PSD3: variants seen among roughly 807,000 people sequenced by gnomAD.
PSD3 encodes pleckstrin and Sec7 domain containing 3.
PSD3 carries 49 observed loss-of-function variants against 105.5 expected under a neutral mutation model. That is an observed-to-expected ratio of 0.46 (90% confidence interval 0.37 to 0.59). PSD3 has a LOEUF of 0.59. Ranked by LOEUF, PSD3 falls within the 20% of genes least tolerant of loss-of-function variation. PSD3 has a pLI of 0.00. For missense variants in PSD3, 1,561 were observed against 1,263.8 expected, an observed-to-expected ratio of 1.24 and a Z score of -3.57; for synonymous variants, 557 against 457.8, an observed-to-expected ratio of 1.22 and a Z score of -2.77.
chr8:19,055,671 A>G (rs1828687820), intron 1 of PSD3, among the ~76,000 whole-genome samples: 1 of 152,242 alleles, frequency 6.6e-6, no homozygotes, highest in Non-Finnish European at 1.5e-5. Context: ...GGGTAAGTAT[A>G]GTTGGTGTTC....
intron 10 of PSD3, among the ~76,000 whole-genome samples, chr8:18,642,092 G>C (rs1807688478): frequency 6.6e-6 from 1 of 152,118 alleles, no homozygotes; most frequent in African/African-American, 2.4e-5. Flanking sequence ...CCAGATATGA[G>C]AAAGATGTAG....
intron 10 of PSD3, among the ~76,000 whole-genome samples, chr8:18,647,939 G>A (rs1292266499): frequency 6.6e-6 from 1 of 152,134 alleles, no homozygotes; most frequent in East Asian, 1.9e-4. Context: ...ACTTTCTGCT[G>A]TGATTTAAAG....
At chr8:18,894,851 G>C (rs186487228) in intron 2 of PSD3, among the ~76,000 whole-genome samples, 164 of 152,332 alleles carry the variant, frequency 1.1e-3, no homozygotes, top group African/African-American at 3.7e-3. Context: ...AAGGTCTGAG[G>C]AGACATCCGG....
At chr8:18,718,843 T>G (rs1435431073) in intron 9 of PSD3, among the ~76,000 whole-genome samples, 2 of 151,912 alleles carry the variant, frequency 1.3e-5, no homozygotes, top group Admixed American at 1.3e-4. Context: ...TAAACTAAAA[T>G]GGGAAAATCA....
chr8:18,658,850 C>T (rs1321623291), intron 9 of PSD3, among the ~76,000 whole-genome samples: 1 of 152,098 alleles, frequency 6.6e-6, no homozygotes, highest in African/African-American at 2.4e-5. Context: ...CCAGGAATTT[C>T]TCTCTCATCT....
intron 1 of PSD3, among the ~76,000 whole-genome samples, chr8:19,060,248 T>G (rs1175008248): frequency 2.6e-5 from 4 of 152,176 alleles, no homozygotes; most frequent in Non-Finnish European, 5.9e-5. Flanking sequence ...GAAAAAAAAC[T>G]TTAAAAATGA....
At chr8:19,073,607 A>G (rs953602688) in intron 1 of PSD3, among the ~76,000 whole-genome samples, 5 of 147,384 alleles carry the variant, frequency 3.4e-5, no homozygotes, top group Non-Finnish European at 7.5e-5. Flanking sequence ...GGTCTTAATA[A>G]TTGTCTTGTC....
chr8:18,967,968 C>T (rs1168618946), intron 1 of PSD3, among the ~76,000 whole-genome samples: 1 of 152,176 alleles, frequency 6.6e-6, no homozygotes, highest in Non-Finnish European at 1.5e-5. Context: ...AAAAGGCTAG[C>T]AAAAGATCCA....
chr8:18,903,858 G>A lies in PSD3; in HGVS notation c.131-31125C>T, dbSNP rs181724838. 9.2e-5 allele frequency among the ~76,000 whole-genome samples: 14 copies of A among 152,240 alleles called. No individual in the cohort carries two copies. The East Asian group carries it at 2.7e-3, about 29-fold the overall frequency. On this transcript the variant is annotated intron_variant, in intron 2 of 15. Coordinates refer to ENST00000327040, the MANE Select transcript of PSD3 (RefSeq NM_015310.4). Reference sequence around the variant, plus strand: ...CCTCCAACTTAGGCTGAGGGAAGGTGTGACTTCTCCGAGTAGCCAAAGTAC... The same window carrying A: ...CCTCCAACTTAGGCTGAGGGAAGGTATGACTTCTCCGAGTAGCCAAAGTAC...
At chr8:18,631,931 T>G (rs972064239) in intron 11 of PSD3, among the ~76,000 whole-genome samples, 13 of 152,050 alleles carry the variant, frequency 8.5e-5, no homozygotes, top group Admixed American at 6.6e-5. Context: ...TGTTCAAGTA[T>G]ATCAAATTGC....
At chr8:18,583,129 A>G (rs1318104304) in intron 12 of PSD3, among the ~76,000 whole-genome samples, 1 of 152,078 alleles carries the variant, frequency 6.6e-6, no homozygotes, top group Non-Finnish European at 1.5e-5. Context: ...TCTGACCCAG[A>G]TTGATCTTTT....
intron 9 of PSD3, among the ~76,000 whole-genome samples, chr8:18,724,055 T>C (rs1453938438): frequency 6.6e-6 from 1 of 152,106 alleles, no homozygotes; most frequent in African/African-American, 2.4e-5. Context: ...ATTATTCTTT[T>C]GAGGGTTAAT....
intron 11 of PSD3, among the ~76,000 whole-genome samples, chr8:18,603,843 C>T (rs1208525110): frequency 6.6e-6 from 1 of 152,194 alleles, no homozygotes; most frequent in African/African-American, 2.4e-5. Context: ...CCTGTTCCCC[C>T]TTCACTTTCA....
chr8:18,969,496 G>T (rs1824502117), intron 1 of PSD3, among the ~76,000 whole-genome samples: 1 of 152,154 alleles, frequency 6.6e-6, no homozygotes, highest in African/African-American at 2.4e-5. Context: ...CATGTTTTAG[G>T]CCTTGTTAAA....
At chr8:18,841,150 G>A (rs1434402174) in intron 4 of PSD3, among the ~76,000 whole-genome samples, 1 of 152,174 alleles carries the variant, frequency 6.6e-6, no homozygotes, top group Non-Finnish European at 1.5e-5. Flanking sequence ...TGCCAGCATT[G>A]ACAACTCAGG....
chr8:19,032,074 G>A (rs1036748969), intron 1 of PSD3, among the ~76,000 whole-genome samples: 12 of 152,072 alleles, frequency 7.9e-5, no homozygotes, highest in African/African-American at 1.9e-4. Context: ...CACCTGGAGC[G>A]AGGGGACCAA....
chr8:18,655,102 T>C (rs943445258), intron 10 of PSD3, among the ~76,000 whole-genome samples: 13 of 151,800 alleles, frequency 8.6e-5, no homozygotes, highest in African/African-American at 2.7e-4. Context: ...GGCAGGTGGA[T>C]CACGAGGTCA....
chr8:18,793,303 C>T (rs543152277), intron 8 of PSD3, among the ~76,000 whole-genome samples: 2 of 149,538 alleles, frequency 1.3e-5, no homozygotes, highest in East Asian at 4.0e-4. Flanking sequence ...CACATGTACC[C>T]TAGAACTTAA....
At chr8:18,537,274 G>A (rs1001728232) in intron 15 of PSD3, among the ~76,000 whole-genome samples, 3 of 152,092 alleles carry the variant, frequency 2.0e-5, no homozygotes, top group African/African-American at 7.2e-5. Context: ...AGGCAACAAA[G>A]GCAAAGACAA....
Sources: allele counts gnomAD v4.1 joint callset (sites outside exome capture counted in the v4.1 genomes callset), GRCh38; gene constraint gnomAD v4.1.1; transcripts MANE v1.5; gene names NCBI Gene and HGNC (gene_info 2026-07-23, HGNC 2026-07-21).